The following HCN1 variants were observed in gnomAD, a reference collection of about 807,000 sequenced individuals.
HCN1 encodes the protein potassium/sodium hyperpolarization-activated cyclic nucleotide-gated channel 1.
Under a neutral mutation model 78.9 loss-of-function variants are expected in HCN1, and 13 were observed. That is an observed-to-expected ratio of 0.16 (90% CI 0.11 to 0.26). HCN1 has a LOEUF of 0.26. HCN1 is among the 10% of genes least tolerant of loss of function. The pLI is 1.00. For synonymous variants in HCN1, 552 were observed against 455.5 expected (o/e 1.21, Z -2.70); for missense variants, 810 against 1,154.3 (o/e 0.70, Z 4.32).
At chr5:45,598,945 A>C (rs1744565023) in intron 2 of HCN1, among the ~76,000 whole-genome samples, 1 of 152,204 alleles carries the variant, frequency 6.6e-6, no homozygotes, top group African/African-American at 2.4e-5. Context: ...GAGAAATAGG[A>C]ATGCTTTTAC....
chr5:45,435,053 G>C (rs949560548), intron 3 of HCN1, among the ~76,000 whole-genome samples: 1 of 151,902 alleles, frequency 6.6e-6, no homozygotes, highest in Non-Finnish European at 1.5e-5. Flanking sequence ...CAATATGTCA[G>C]TATAAGAATA....
In HCN1 at chr5:45,645,224, T is replaced by C; in HGVS notation, c.810A>G (p.Arg270=). 2 of 1,613,514 alleles carry C rather than the reference T, an allele frequency of 1.2e-6. No individual in the cohort carries two copies. The highest frequency in any genetic ancestry group is 1.7e-6 in the Non-Finnish European group (2 of 1,179,736). Residue 270 remains arginine (R), a synonymous_variant, in exon 2 of 8, where the codon CGA becomes CGG. Transcript: ENST00000303230. ...TKILSLLRLL[R]LSRLIRYIHQ... is the part of the protein sequence containing the mutation. ...GTATGTATCTAATTAACCTTGAAAG[T>C]CGTAATAAACGCAAGAGACTGAGAA...
intron 4 of HCN1, among the ~76,000 whole-genome samples, chr5:45,362,208 G>T (rs931062190): frequency 6.6e-6 from 1 of 150,834 alleles, no homozygotes; most frequent in African/African-American, 2.4e-5. Flanking sequence ...GTAGGGAAAT[G>T]ATCTGGCCCT....
At chr5:45,553,301 T>C (rs1218099297) in intron 2 of HCN1, among the ~76,000 whole-genome samples, 1 of 151,856 alleles carries the variant, frequency 6.6e-6, no homozygotes, top group Non-Finnish European at 1.5e-5. Flanking sequence ...CTAGATTGGC[T>C]ACATCCTCTC....
chr5:45,498,642 T>C (rs534881135), intron 2 of HCN1, among the ~76,000 whole-genome samples: 2 of 152,302 alleles, frequency 1.3e-5, no homozygotes, highest in South Asian at 2.1e-4. Flanking sequence ...CTGCGTTCCT[T>C]TGGAGGAGGA....
At chr5:45,411,553 G>T (rs1740024049) in intron 3 of HCN1, among the ~76,000 whole-genome samples, 1 of 149,640 alleles carries the variant, frequency 6.7e-6, no homozygotes, top group African/African-American at 2.5e-5. Flanking sequence ...TTGAAATCAT[G>T]CTCATGAGGA....
intron 2 of HCN1, among the ~76,000 whole-genome samples, chr5:45,591,543 T>C (rs1744365513): frequency 6.6e-6 from 1 of 152,230 alleles, no homozygotes. Context: ...ATCTTTTTCA[T>C]ATGCTTATTT....
At chr5:45,472,514 GGGAGGAAGGGAA>G (rs1579916418) in intron 2 of HCN1, among the ~76,000 whole-genome samples, 1 of 150,094 alleles carries the variant, frequency 6.7e-6, no homozygotes, top group South Asian at 2.1e-4. Flanking sequence ...ACAAGATGGA[GGGAGGAAGGGAA>G]GGAGGAAGGG....
chr5:45,628,271 T>C (rs896183596), intron 2 of HCN1, among the ~76,000 whole-genome samples: 1 of 152,206 alleles, frequency 6.6e-6, no homozygotes, highest in Non-Finnish European at 1.5e-5. Context: ...CTATTTCACA[T>C]GGCTCACATG....
intron 6 of HCN1, among the ~76,000 whole-genome samples, chr5:45,298,082 T>A (rs186989542): frequency 8.5e-5 from 13 of 152,050 alleles, no homozygotes; most frequent in Non-Finnish European, 1.9e-4. Context: ...ATGGTTTGAA[T>A]ATGTGTCACC....
intron 3 of HCN1, among the ~76,000 whole-genome samples, chr5:45,451,178 TA>T (rs1449149980): frequency 2.0e-5 from 3 of 152,148 alleles, no homozygotes; most frequent in Non-Finnish European, 4.4e-5. Context: ...TATTTGTATA[TA>T]AACTGTCTCT....
chr5:45,521,889 T>A (rs1018521169), intron 2 of HCN1, among the ~76,000 whole-genome samples: 1 of 152,160 alleles, frequency 6.6e-6, no homozygotes, highest in East Asian at 1.9e-4. Flanking sequence ...GGTAGAATAA[T>A]TTTACAGAAC....
intron 5 of HCN1, among the ~76,000 whole-genome samples, chr5:45,315,612 C>A (rs1165478794): frequency 6.6e-6 from 1 of 151,914 alleles, no homozygotes; most frequent in Admixed American, 6.6e-5. Flanking sequence ...TTCAGAAAAA[C>A]CATGAATCCA....
At chr5:45,417,392 G>T (rs1206673094) in intron 3 of HCN1, among the ~76,000 whole-genome samples, 2 of 151,882 alleles carry the variant, frequency 1.3e-5, no homozygotes, top group Non-Finnish European at 2.9e-5. Context: ...GTTAAGGTCA[G>T]AATTAAGGGT....
chr5:45,519,162 G>C (rs1446596424), intron 2 of HCN1, among the ~76,000 whole-genome samples: 1 of 151,718 alleles, frequency 6.6e-6, no homozygotes, highest in African/African-American at 2.4e-5. Context: ...GCTTACATTT[G>C]AACAACAACA....
chr5:45,300,503 T>C, intron 6 of HCN1, among the ~76,000 whole-genome samples: 1 of 152,214 alleles, frequency 6.6e-6, no homozygotes, highest in South Asian at 2.1e-4. Flanking sequence ...TTCTCTTCCT[T>C]ATTAATTTTT....
chr5:45,349,067 T>C (rs570581598), intron 5 of HCN1, among the ~76,000 whole-genome samples: 3 of 152,250 alleles, frequency 2.0e-5, no homozygotes, highest in African/African-American at 7.2e-5. Context: ...CAATAGAATA[T>C]ACATTTTTTT....
chr5:45,395,293 CT>C (rs1388654924), intron 4 of HCN1, among the ~76,000 whole-genome samples: 2 of 152,110 alleles, frequency 1.3e-5, no homozygotes, highest in East Asian at 3.9e-4. Context: ...GCCCAAATTC[CT>C]TTAAGTATAT....
At chr5:45,278,158 T>C (rs1474428419) in intron 6 of HCN1, among the ~76,000 whole-genome samples, 1 of 152,114 alleles carries the variant, frequency 6.6e-6, no homozygotes. Context: ...ACTCGTGACC[T>C]CTTTCAGGTC....
Sources: allele counts gnomAD v4.1 joint callset (sites outside exome capture counted in the v4.1 genomes callset), GRCh38; gene constraint gnomAD v4.1.1; transcripts MANE v1.5; gene names NCBI Gene and HGNC (gene_info 2026-07-23, HGNC 2026-07-21).